The following CTNNA3 variants were observed in gnomAD, a reference collection of about 807,000 sequenced individuals.
CTNNA3 encodes catenin alpha-3.
A neutral mutation model predicts 95.7 loss-of-function variants in CTNNA3; 76 were observed. The ratio of observed to expected loss-of-function variants is 0.79; its 90% CI spans 0.66 to 0.96. The LOEUF (loss-of-function observed/expected upper bound fraction) is 0.96. Ranked by LOEUF, CTNNA3 falls within the 40% of genes least tolerant of loss-of-function variation. The pLI is 0.00. For missense variants in CTNNA3, 1,191 were observed against 1,089.8 expected, an observed-to-expected ratio of 1.09 and a Z score of -1.31; for synonymous variants, 431 against 374.4, an observed-to-expected ratio of 1.15 and a Z score of -1.74.
chr10:67,231,409 G>A (rs1011883354), intron 5 of CTNNA3, among the ~76,000 whole-genome samples: 1 of 152,182 alleles, frequency 6.6e-6, no homozygotes, highest in African/African-American at 2.4e-5. Flanking sequence ...CCCCTAGCAG[G>A]GGCAGACTGA....
intron 7 of CTNNA3, among the ~76,000 whole-genome samples, chr10:66,885,385 T>C (rs1845006044): frequency 6.6e-6 from 1 of 152,166 alleles, no homozygotes; most frequent in African/African-American, 2.4e-5. Context: ...CTATTTATCT[T>C]ACATCAAAAT....
chr10:65,955,616 A>G (rs1446335317), intron 17 of CTNNA3, among the ~76,000 whole-genome samples: 1 of 152,122 alleles, frequency 6.6e-6, no homozygotes, highest in Non-Finnish European at 1.5e-5. Context: ...GAATTTTGTC[A>G]AAGGCCTTTT....
At chr10:67,700,053 C>T (rs1589575303), upstream of CTNNA3, among the ~76,000 whole-genome samples, 16 of 152,252 alleles carry the variant, frequency 1.1e-4, no homozygotes, top group Admixed American at 1.0e-3. Flanking sequence ...AACTGCAAGG[C>T]AGCAGCGAGG....
At chr10:67,657,585 C>T (rs1204817417) in intron 1 of CTNNA3, among the ~76,000 whole-genome samples, 1 of 152,078 alleles carries the variant, frequency 6.6e-6, no homozygotes, top group Non-Finnish European at 1.5e-5. Flanking sequence ...GTGGCTCACA[C>T]CTGTAATTCC....
intron 14 of CTNNA3, among the ~76,000 whole-genome samples, chr10:66,094,879 A>G (rs1339086612): frequency 6.6e-6 from 1 of 152,106 alleles, no homozygotes; most frequent in African/African-American, 2.4e-5. Flanking sequence ...AAATACTTAG[A>G]AGAGAGTAAA....
intron 12 of CTNNA3, among the ~76,000 whole-genome samples, chr10:66,333,856 G>T (rs2092362390): frequency 6.6e-6 from 1 of 151,578 alleles, no homozygotes. Context: ...ATTATTGTGT[G>T]GGAGTCTAAG....
intron 3 of CTNNA3, among the ~76,000 whole-genome samples, chr10:67,600,792 C>A (rs941885483): frequency 2.6e-5 from 4 of 152,058 alleles, no homozygotes; most frequent in Admixed American, 6.6e-5. Context: ...AAAGAAAAAA[C>A]CAGAAATAAT....
chr10:67,305,813 G>C (rs928136478), intron 5 of CTNNA3, among the ~76,000 whole-genome samples: 2 of 152,210 alleles, frequency 1.3e-5, no homozygotes, highest in Non-Finnish European at 2.9e-5. Context: ...AGAGATATCA[G>C]TGGATGCTAA....
chr10:66,358,431 AC>A (rs1480425157), intron 12 of CTNNA3, among the ~76,000 whole-genome samples: 1 of 152,144 alleles, frequency 6.6e-6, no homozygotes, highest in African/African-American at 2.4e-5. Context: ...GTCTGCCATT[AC>A]TTTACAGAGT....
At position 66,370,864 on chromosome 10, in the gene CTNNA3, C is replaced by A. The variant is rs377711227; in HGVS notation, c.1732+8288G>T. On this transcript the variant is annotated intron_variant, in intron 12 of 17. Coordinates refer to ENST00000433211, the MANE Select transcript of CTNNA3 (RefSeq NM_013266.4). Reference sequence around the variant, plus strand: ...ATTTGGGACTACAGGTGTGTACCACCATGCCTGGCTAACATTTTTTAATTA... The same window carrying A: ...ATTTGGGACTACAGGTGTGTACCACAATGCCTGGCTAACATTTTTTAATTA... Among the ~76,000 whole-genome samples the A allele has an allele frequency of 4.5e-4, 69 of 152,204 alleles. 1 individual carries two copies. The South Asian group carries it at 0.014, about 31-fold the overall frequency.
intron 7 of CTNNA3, among the ~76,000 whole-genome samples, chr10:67,008,471 G>C (rs1852134754): frequency 6.6e-6 from 1 of 151,892 alleles, no homozygotes; most frequent in Admixed American, 6.6e-5. Flanking sequence ...TGTTTGTTTT[G>C]TTTTGTTTTT....
chr10:66,854,487 C>T (rs915695231), intron 7 of CTNNA3, among the ~76,000 whole-genome samples: 1 of 151,564 alleles, frequency 6.6e-6, no homozygotes, highest in Non-Finnish European at 1.5e-5. Flanking sequence ...GTACAAATAA[C>T]GGTGAGGTAA....
chr10:67,103,601 A>G (rs1340074537), intron 7 of CTNNA3, among the ~76,000 whole-genome samples: 1 of 151,756 alleles, frequency 6.6e-6, no homozygotes, highest in African/African-American at 2.4e-5. Context: ...TAGTAATTAA[A>G]TAATTTGCCA....
intron 1 of CTNNA3, among the ~76,000 whole-genome samples, chr10:67,752,900 A>G (rs1841414732): frequency 6.6e-6 from 1 of 152,186 alleles, no homozygotes; most frequent in Non-Finnish European, 1.5e-5. Context: ...TACTACCCAA[A>G]GTAATTTACA....
At chr10:67,555,006 T>C (rs2133238667) in intron 3 of CTNNA3, among the ~76,000 whole-genome samples, 1 of 152,320 alleles carries the variant, frequency 6.6e-6, no homozygotes, top group South Asian at 2.1e-4. Context: ...ATTTATTGAA[T>C]AGGGAATCCT....
At chr10:66,456,431 GA>G (rs1178317476) in intron 11 of CTNNA3, among the ~76,000 whole-genome samples, 1 of 152,110 alleles carries the variant, frequency 6.6e-6, no homozygotes, top group Non-Finnish European at 1.5e-5. Flanking sequence ...AATGATGTTG[GA>G]AAACCTGAAC....
At chr10:67,086,696 G>A (rs888483220) in intron 7 of CTNNA3, among the ~76,000 whole-genome samples, 1 of 151,902 alleles carries the variant, frequency 6.6e-6, no homozygotes, top group Non-Finnish European at 1.5e-5. Context: ...CCAATGTTCA[G>A]GGAAATCATA....
At chr10:66,274,014 T>G (rs2091337077) in intron 13 of CTNNA3, among the ~76,000 whole-genome samples, 2 of 151,780 alleles carry the variant, frequency 1.3e-5, no homozygotes, top group South Asian at 4.2e-4. Flanking sequence ...AAAGGAAAAC[T>G]AATAAAAAGG....
chr10:65,993,840 A>G (rs1357760221), intron 15 of CTNNA3, among the ~76,000 whole-genome samples: 2 of 152,114 alleles, frequency 1.3e-5, no homozygotes, highest in Non-Finnish European at 2.9e-5. Flanking sequence ...GGTTCAGCCT[A>G]TTCTCCTGCC....
Sources: allele counts gnomAD v4.1 joint callset (sites outside exome capture counted in the v4.1 genomes callset), GRCh38; gene constraint gnomAD v4.1.1; transcripts MANE v1.5; gene names NCBI Gene and HGNC (gene_info 2026-07-23, HGNC 2026-07-21).